GPRIN3: variants seen among roughly 807,000 people sequenced by gnomAD.
The protein encoded by GPRIN3 is GPRIN family member 3, also known as G protein-regulated inducer of neurite outgrowth 3.
In GPRIN3, 12 loss-of-function variants were observed where a neutral mutation model predicts 13.7. That is an observed-to-expected ratio of 0.87 (90% CI 0.56 to 1.42). The LOEUF (loss-of-function observed/expected upper bound fraction) is 1.42. Ranked by LOEUF, GPRIN3 falls within the 40% of genes most tolerant of loss-of-function variation. The pLI, the probability that GPRIN3 is intolerant of heterozygous loss-of-function variation, is 0.00. For synonymous variants in GPRIN3, 377 were observed against 372.7 expected (o/e 1.01, Z -0.13); for missense variants, 1,009 against 958.7 (o/e 1.05, Z -0.69).
At chr4:89,290,901 A>G (rs1373610001) in intron 1 of GPRIN3, among the ~76,000 whole-genome samples, 1 of 152,120 alleles carries the variant, frequency 6.6e-6, no homozygotes, top group African/African-American at 2.4e-5. Flanking sequence ...CACTACTCCC[A>G]CACACGCTCA....
Position 89,243,727 on chromosome 4 carries a change from T to G in GPRIN3, c.*4053A>C, listed in dbSNP as rs1434690790. 1 of 152,156 alleles carries G rather than the reference T, an allele frequency of 6.6e-6. No homozygotes were observed. The highest frequency in any genetic ancestry group is 1.5e-5 in the Non-Finnish European group (1 of 68,036). The allele number at this position is 152,156 out of a possible 1,614,324, so 9.4% of individuals were successfully genotyped here. A position where few individuals can be genotyped will look rare whatever the true frequency, so the allele number is the denominator to read the frequency against. On this transcript the variant is annotated 3_prime_UTR_variant, in exon 2 of 2. Transcript: ENST00000609438. Reference sequence around the variant, plus strand: ...ATCTCCATGGCAGCATTACAGATAATTAGTAAATCAGGCAGGTAGAGGTCT... The same window carrying G: ...ATCTCCATGGCAGCATTACAGATAAGTAGTAAATCAGGCAGGTAGAGGTCT...
In GPRIN3 at chr4:89,271,976, G is replaced by A. The variant is rs1040958239; in HGVS notation, c.-123-21743C>T. ...TTATTGCTTTTGTAAAAGAGACCCCGGAGTACTCCAAAAACCTCCTTCCCA... is the reference window on the plus strand; with the variant it reads ...TTATTGCTTTTGTAAAAGAGACCCCAGAGTACTCCAAAAACCTCCTTCCCA... On this transcript the variant is annotated intron_variant, in intron 1 of 1. Coordinates refer to ENST00000609438, the MANE Select transcript of GPRIN3 (RefSeq NM_198281.3). Among the ~76,000 whole-genome samples, 7 of 152,116 alleles carry A rather than the reference G, an allele frequency of 4.6e-5. No homozygotes were observed. The East Asian group carries it at 9.7e-4, about 21-fold the overall frequency.
rs1211828117 is a variant in GPRIN3, at chr4:89,249,451, T to G, written c.660A>C (p.Glu220Asp). Reference sequence around the variant, plus strand: ...CACAGATGGCTCCCTGCCTTTCCCCTTCAGGTCCACCTACAGGAGAGGATG... The same window carrying G: ...CACAGATGGCTCCCTGCCTTTCCCCGTCAGGTCCACCTACAGGAGAGGATG... The part of the protein sequence containing the change: ...SHSSSPVGGP[E>D]GERQGAICDS... The change falls in exon 2 of 2, where the codon GAA becomes GAC. Residue 220 changes from glutamate to aspartate, a missense_variant. Transcript: ENST00000609438. The G allele has an allele frequency of 6.2e-7, 1 of 1,613,978 alleles. No homozygotes were observed. The highest frequency in any genetic ancestry group is 1.3e-5 in the African/African-American group (1 of 74,912).
chr4:89,260,044 T>C (rs1254104477), intron 1 of GPRIN3, among the ~76,000 whole-genome samples: 1 of 152,158 alleles, frequency 6.6e-6, no homozygotes, highest in Non-Finnish European at 1.5e-5. Flanking sequence ...TGACCTCAGG[T>C]GATCCACCGG....
rs79058090 is a variant in GPRIN3, at chr4:89,285,920, G to A, written c.-124+21695C>T. On this transcript the variant is annotated intron_variant, in intron 1 of 1. Coordinates refer to ENST00000609438, the MANE Select transcript of GPRIN3 (RefSeq NM_198281.3). ...TTTATCCTCAGGGGAAAGAGAAGCC[G>A]TATACTAGTTCTTCATTTGGATTAA... is the stretch of plus-strand genomic sequence containing the variant. 6.1e-4 allele frequency among the ~76,000 whole-genome samples: 93 copies of A among 152,220 alleles called. No homozygotes were observed. The East Asian group carries it at 0.015, about 25-fold the overall frequency.
intron 1 of GPRIN3, among the ~76,000 whole-genome samples, chr4:89,292,615 G>C (rs1431546): frequency 0.67 from 102,050 of 152,042 alleles, 37,164 homozygotes; most frequent in Non-Finnish European, 0.83. Context: ...AAAATGGAAA[G>C]GTTCTCAGAA....
chr4:89,247,704 A>T lies in GPRIN3; in HGVS notation c.*76T>A, dbSNP rs570267032. On this transcript the variant is annotated 3_prime_UTR_variant, in exon 2 of 2. Transcript: ENST00000609438. The stretch of plus-strand genomic sequence containing the variant: ...TTTCTTCCTAGTCTTGCAGCAAAAA[A>T]CTAAGCAAGCTTTGACATAGAGGGA... 1.4e-6 allele frequency: 2 copies of T among 1,452,470 alleles called. No individual in the cohort carries two copies. The highest frequency in any genetic ancestry group is 2.8e-5 in the South Asian group (2 of 71,240). The allele number at this position is 1,452,470 out of a possible 1,614,324, so 90.0% of individuals were successfully genotyped here.
intron 1 of GPRIN3, among the ~76,000 whole-genome samples, chr4:89,302,486 G>C (rs1724925912): frequency 6.6e-6 from 1 of 152,146 alleles, no homozygotes; most frequent in African/African-American, 2.4e-5. Flanking sequence ...TTCAGATTCA[G>C]ATTCAGATTA....
At chr4:89,302,114 T>C (rs1357953911) in intron 1 of GPRIN3, among the ~76,000 whole-genome samples, 1 of 152,214 alleles carries the variant, frequency 6.6e-6, no homozygotes, top group Non-Finnish European at 1.5e-5. Context: ...CGCTAGACCC[T>C]TGGGACAGAG....
rs1451034455 is a variant in GPRIN3 at position 89,246,667 on chromosome 4, AC to A, written c.*1112del. The A allele has an allele frequency of 1.3e-5, 2 of 152,230 alleles. No homozygotes were observed. Among genetic ancestry groups the A allele is most frequent in the African/African-American group, 4.8e-5 (2 of 41,452 alleles). 9.4% of individuals were successfully genotyped at this position (152,230 alleles called of 1,614,324 possible). On this transcript the variant is annotated 3_prime_UTR_variant, in exon 2 of 2. Transcript: ENST00000609438. ...GCAATTAGATGATAGTAGTCTATGT[AC>A]AAAAATTGTAAGGAAGCTCACATTC...
rs1357472738 is a variant in GPRIN3 at position 89,244,995 on chromosome 4, A to C, written c.*2785T>G. The C allele has an allele frequency of 1.3e-5, 2 of 152,238 alleles. No individual in the cohort carries two copies. Among genetic ancestry groups the C allele is most frequent in the Non-Finnish European group, 2.9e-5 (2 of 68,032 alleles). 9.4% of individuals were successfully genotyped at this position (152,238 alleles called of 1,614,324 possible). A position where few individuals can be genotyped will look rare whatever the true frequency, so the allele number is the denominator to read the frequency against. ...AGCAAGTTCCAAGAGTCTACCAAGA[A>C]AACTGTTTTGCAGCTTCATCTGTTG... On this transcript the variant is annotated 3_prime_UTR_variant, in exon 2 of 2. Coordinates refer to ENST00000609438, the MANE Select transcript of GPRIN3 (RefSeq NM_198281.3).
In GPRIN3 at chr4:89,299,200, C is replaced by T. The variant is rs17015380; in HGVS notation, c.-124+8415G>A. Among the ~76,000 whole-genome samples the T allele has an allele frequency of 8.5e-3, 1,294 of 152,182 alleles. 20 individuals carry two copies. The highest frequency in any genetic ancestry group is 0.029 in the African/African-American group (1,213 of 41,498). On this transcript the variant is annotated intron_variant, in intron 1 of 1. Coordinates refer to ENST00000609438, the MANE Select transcript of GPRIN3 (RefSeq NM_198281.3). ...ACAGCCACCATTCTATAAGGAAATG[C>T]CACTCTCTTCAAAGAAAGCATAGAG...
intron 1 of GPRIN3, among the ~76,000 whole-genome samples, chr4:89,275,046 GC>G (rs981918715): frequency 2.0e-5 from 3 of 152,150 alleles, no homozygotes; most frequent in African/African-American, 7.2e-5. Context: ...GGGTTTAGGA[GC>G]TGTGGATGTG....
At chr4:89,251,149 A>T (rs938501516) in intron 1 of GPRIN3, 2 of 152,182 alleles carry the variant, frequency 1.3e-5, no homozygotes, top group Non-Finnish European at 2.9e-5. Flanking sequence ...AAAAATGGAT[A>T]ACAAATATAA....
At chr4:89,296,251 T>C (rs1214724778) in intron 1 of GPRIN3, among the ~76,000 whole-genome samples, 1 of 152,050 alleles carries the variant, frequency 6.6e-6, no homozygotes, top group Non-Finnish European at 1.5e-5. Context: ...TTTCTGTCCA[T>C]TTTCTTTTAC....
intron 1 of GPRIN3, among the ~76,000 whole-genome samples, chr4:89,269,367 T>G (rs1483642054): frequency 1.3e-5 from 2 of 152,082 alleles, no homozygotes; most frequent in Admixed American, 1.3e-4. Flanking sequence ...GGTAGTATAT[T>G]ACTAAACTTC....
At chr4:89,272,153 A>T (rs1033859526) in intron 1 of GPRIN3, among the ~76,000 whole-genome samples, 2 of 152,206 alleles carry the variant, frequency 1.3e-5, no homozygotes, top group South Asian at 4.1e-4. Context: ...ATTCTGTTAC[A>T]GCAGCCTGAA....
Position 89,247,890 on chromosome 4 carries a change from A to C in GPRIN3, c.2221T>G (p.Ser741Ala), listed in dbSNP as rs201266481. 183 of 1,614,154 alleles carry C rather than the reference A, an allele frequency of 1.1e-4. 1 individual carries two copies. In the Middle Eastern group the frequency reaches 1.2e-3, roughly 10 times the overall value. ...TRRSISSDTS[S>A]NKKLRGRQHS... ...TGCCTTCCTCTGAGCTTCTTATTTG[A>C]AGAAGTATCTGAGGAAATGGATCTC... The change falls in exon 2 of 2, where the codon TCA becomes GCA. Residue 741 changes from serine (S) to alanine (A), a missense_variant. Coordinates refer to ENST00000609438, the MANE Select transcript of GPRIN3 (RefSeq NM_198281.3).
At position 89,250,273 on chromosome 4, in the gene GPRIN3, G is replaced by A. The variant is rs530251794; in HGVS notation, c.-123-40C>T. On this transcript the variant is annotated intron_variant, in intron 1 of 1. Transcript: ENST00000609438. ...AACAGCATCATTAATACAGTACGTC[G>A]CTTAAGGATTGAAAAATAAACCAAA... 97 of 1,333,266 alleles carry A rather than the reference G, an allele frequency of 7.3e-5. No individual in the cohort carries two copies. The Admixed American group carries it at 8.8e-4, about 12-fold the overall frequency. The allele number at this position is 1,333,266 out of a possible 1,614,324, so 82.6% of individuals were successfully genotyped here. A position where few individuals can be genotyped will look rare whatever the true frequency, so the allele number is the denominator to read the frequency against.
Sources: allele counts gnomAD v4.1 joint callset (sites outside exome capture counted in the v4.1 genomes callset), GRCh38; gene constraint gnomAD v4.1.1; transcripts MANE v1.5; gene names NCBI Gene and HGNC (gene_info 2026-07-23, HGNC 2026-07-21).